DNAH9: variants seen among roughly 807,000 people sequenced by gnomAD.
The protein encoded by DNAH9 is DNAH9 variant protein.
Under a neutral mutation model 471.6 loss-of-function variants are expected in DNAH9, and 345 were observed. That is an observed-to-expected ratio of 0.73 (90% CI 0.67 to 0.80). The LOEUF (loss-of-function observed/expected upper bound fraction) is 0.80. DNAH9 is among the 30% of genes least tolerant of loss of function. The pLI, the probability that DNAH9 is intolerant of heterozygous loss-of-function variation, is 0.00. For synonymous variants in DNAH9, 2,093 were observed against 2,123.6 expected, an observed-to-expected ratio of 0.99 and a Z score of 0.40; for missense variants, 5,407 against 5,609.2, an observed-to-expected ratio of 0.96 and a Z score of 1.15.
chr17:11,598,843 C>T lies in DNAH9; in HGVS notation c.345C>T (p.Ser115=). The change falls in exon 1 of 69, where the codon AGC becomes AGT. Residue 115 remains serine, a synonymous_variant. Coordinates refer to ENST00000262442, the MANE Select transcript of DNAH9 (RefSeq NM_001372.4). The part of the protein sequence containing the change: ...RTGPEPPGPD[S]FRGAVVCGDL... Reference sequence around the variant, plus strand: ...GGCCCGAGCCTCCAGGGCCCGACAGCTTCCGCGGCGCAGTGGTCTGCGGGG... The same window carrying T: ...GGCCCGAGCCTCCAGGGCCCGACAGTTTCCGCGGCGCAGTGGTCTGCGGGG... 6.6e-7 allele frequency: 1 copy of T among 1,523,168 alleles called. No homozygotes were observed. Among genetic ancestry groups the T allele is most frequent in the Non-Finnish European group, 8.8e-7 (1 of 1,140,560 alleles). The allele number at this position is 1,523,168 out of a possible 1,614,324, so 94.4% of individuals were successfully genotyped here.
intron 50 of DNAH9, among the ~76,000 whole-genome samples, chr17:11,864,151 G>A (rs1006565791): frequency 2.0e-5 from 3 of 147,514 alleles, no homozygotes; most frequent in Non-Finnish European, 4.5e-5. Flanking sequence ...TTTCTCTTGT[G>A]GGCATTTAGT....
intron 38 of DNAH9, among the ~76,000 whole-genome samples, chr17:11,773,406 G>A (rs550193787): frequency 6.6e-6 from 1 of 152,300 alleles, no homozygotes; most frequent in East Asian, 1.9e-4. Context: ...AGAAAATTCT[G>A]TAGGCACTGA....
At chr17:11,847,070 T>A (rs986805501) in intron 49 of DNAH9, among the ~76,000 whole-genome samples, 1 of 152,214 alleles carries the variant, frequency 6.6e-6, no homozygotes, top group Non-Finnish European at 1.5e-5. Context: ...GGTGGTTTTT[T>A]TCTTGTAAAT....
intron 50 of DNAH9, among the ~76,000 whole-genome samples, chr17:11,858,444 TA>T (rs987867646): frequency 1.4e-4 from 21 of 152,200 alleles, no homozygotes; most frequent in African/African-American, 5.1e-4. Context: ...TAGGTCAGTC[TA>T]AAAATAATCA....
chr17:11,718,755 T>C (rs953528531), intron 26 of DNAH9, among the ~76,000 whole-genome samples: 3 of 152,218 alleles, frequency 2.0e-5, no homozygotes, highest in Admixed American at 6.5e-5. Context: ...CCTATGAAGA[T>C]ATATACTGAA....
chr17:11,748,043 G>A lies in DNAH9; in HGVS notation c.6610+277G>A, dbSNP rs1016195487. 1.4e-4 allele frequency among the ~76,000 whole-genome samples: 21 copies of A among 150,240 alleles called. No individual in the cohort carries two copies. In the East Asian group the frequency reaches 3.8e-3, roughly 27 times the overall value. ...AAGCTGGCTGGGCACAGTGGCTCAC[G>A]CCTGTAATCCCAACACTTTGGGAAG... On this transcript the variant is annotated intron_variant, in intron 32 of 68. Coordinates refer to ENST00000262442, the MANE Select transcript of DNAH9 (RefSeq NM_001372.4).
chr17:11,830,237 T>C (rs899857166), intron 48 of DNAH9, among the ~76,000 whole-genome samples: 1 of 152,198 alleles, frequency 6.6e-6, no homozygotes, highest in Non-Finnish European at 1.5e-5. Flanking sequence ...CTTTCCTGAG[T>C]TAGGTTTCAC....
intron 59 of DNAH9, among the ~76,000 whole-genome samples, chr17:11,901,505 G>A (rs1170680971): frequency 6.6e-6 from 1 of 152,072 alleles, no homozygotes; most frequent in Non-Finnish European, 1.5e-5. Context: ...AGACCAGCCC[G>A]ACCAATATGG....
intron 61 of DNAH9, among the ~76,000 whole-genome samples, chr17:11,915,594 C>A (rs1973925055): frequency 6.6e-6 from 1 of 152,106 alleles, no homozygotes; most frequent in African/African-American, 2.4e-5. Flanking sequence ...CTGGTATAGT[C>A]CAATATTAAC....
intron 68 of DNAH9, among the ~76,000 whole-genome samples, chr17:11,966,419 C>CAG (rs1053867675): frequency 2.6e-5 from 4 of 151,882 alleles, no homozygotes; most frequent in Admixed American, 6.5e-5. Flanking sequence ...GAGAGAGAGA[C>CAG]AGAGAGAGAG....
chr17:11,815,676 C>G (rs1970072672), intron 45 of DNAH9, among the ~76,000 whole-genome samples: 1 of 152,104 alleles, frequency 6.6e-6, no homozygotes, highest in Non-Finnish European at 1.5e-5. Flanking sequence ...CAGGTCCCAG[C>G]AACTCGGGAG....
Position 11,894,481 on chromosome 17 carries a change from G to T in DNAH9, c.11391G>T (p.Ala3797=), listed in dbSNP as rs774350960. The change falls in exon 59 of 69, where the codon GCG becomes GCT. Residue 3797 remains alanine, a synonymous_variant. Transcript: ENST00000262442. ...CCGTGGAGTTCCTCTCCCATCAGGC[G>T]TGGGGAGCTGTCAAGGTCAGTATTG... is the stretch of plus-strand genomic sequence containing the variant. The part of the protein sequence containing the change: ...ASPVEFLSHQ[A]WGAVKVLSSM... The T allele has an allele frequency of 6.2e-7, 1 of 1,614,132 alleles. No homozygotes were observed. The highest frequency in any genetic ancestry group is 8.5e-7 in the Non-Finnish European group (1 of 1,180,020).
At chr17:11,935,182 G>A (rs536914149) in intron 65 of DNAH9, among the ~76,000 whole-genome samples, 1 of 151,294 alleles carries the variant, frequency 6.6e-6, no homozygotes, top group African/African-American at 2.4e-5. Flanking sequence ...AGCTGGTCTC[G>A]AACTCCTAAC....
At chr17:11,829,727 C>T (rs951620686) in intron 48 of DNAH9, among the ~76,000 whole-genome samples, 3 of 152,182 alleles carry the variant, frequency 2.0e-5, no homozygotes, top group Non-Finnish European at 2.9e-5. Flanking sequence ...CCCGCCTGGG[C>T]CTTCCAAAGT....
chr17:11,878,660 G>A (rs1972601359), intron 53 of DNAH9, among the ~76,000 whole-genome samples: 1 of 152,014 alleles, frequency 6.6e-6, no homozygotes, highest in Non-Finnish European at 1.5e-5. Flanking sequence ...GGTTCAAGCA[G>A]TCCTTCCACC....
intron 68 of DNAH9, among the ~76,000 whole-genome samples, chr17:11,968,886 A>G (rs574114960): frequency 6.6e-6 from 1 of 152,208 alleles, no homozygotes; most frequent in Non-Finnish European, 1.5e-5. Flanking sequence ...GAAACAGGAC[A>G]TAACAAAAGC....
intron 45 of DNAH9, among the ~76,000 whole-genome samples, chr17:11,815,233 C>A (rs1187221048): frequency 6.6e-6 from 1 of 150,702 alleles, no homozygotes; most frequent in Non-Finnish European, 1.5e-5. Flanking sequence ...AAGTCCTATA[C>A]AAGTTACTCA....
At chr17:11,655,620 CACACACACACACCATGTATATACATAG>C (rs1217808875) in intron 14 of DNAH9, among the ~76,000 whole-genome samples, 13 of 149,344 alleles carry the variant, frequency 8.7e-5, no homozygotes, top group African/African-American at 2.7e-4. Context: ...TATATATACA[CACACACACACACCATGTATATACATAG>C]ACACACACAC....
Position 11,933,991 on chromosome 17 carries a change from C to A in DNAH9, c.12409C>A (p.Pro4137Thr). Reference sequence around the variant, plus strand: ...AACCTACCTGGGGGAATTCATTCGACCAGAAATGTTAGAAGGAGAACTGTC... The same window carrying A: ...AACCTACCTGGGGGAATTCATTCGAACAGAAATGTTAGAAGGAGAACTGTC... ...CRTYLGEFIR[P>T]EMLEGELSLA... Residue 4137 changes from proline (P) to threonine (T), a missense_variant, in exon 65 of 69, where the codon CCA (proline) becomes ACA (threonine). This residue lies in a region of DNAH9 where 4,636 missense variants were observed against 4,900.3 expected (regional missense o/e 0.95). Transcript: ENST00000262442. 2 of 1,614,152 alleles carry A rather than the reference C, an allele frequency of 1.2e-6. No homozygotes were observed. The highest frequency in any genetic ancestry group is 1.1e-5 in the South Asian group (1 of 91,076).
Sources: gnomAD v4.1 joint callset for allele counts (sites outside exome capture counted in the v4.1 genomes callset) on GRCh38, gnomAD v4.1.1 for gene constraint, gnomAD v4.1.1 regional missense constraint, MANE v1.5 for transcripts, NCBI Gene and HGNC (gene_info 2026-07-23, HGNC 2026-07-21) for gene names.